Variants in ASTN2 observed in about 807,000 individuals in gnomAD.
The protein encoded by ASTN2 is astrotactin-2.
Under a neutral mutation model 139.8 loss-of-function variants are expected in ASTN2, and 54 were observed. That is an observed-to-expected ratio of 0.39 (90% CI 0.31 to 0.48). The LOEUF (loss-of-function observed/expected upper bound fraction) is 0.48, where lower values mean the gene tolerates loss of function less well. Ranked by LOEUF, ASTN2 falls within the 20% of genes least tolerant of loss-of-function variation. The pLI is 0.95. For synonymous variants in ASTN2, 756 were observed against 719.5 expected, an observed-to-expected ratio of 1.05 and a Z score of -0.81; for missense variants, 1,565 against 1,725.1, an observed-to-expected ratio of 0.91 and a Z score of 1.64.
intron 16 of ASTN2, among the ~76,000 whole-genome samples, chr9:116,724,339 A>G (rs533349067): frequency 6.6e-6 from 1 of 152,306 alleles, no homozygotes; most frequent in East Asian, 1.9e-4. Context: ...CAACTCAATT[A>G]TATCCACTGT....
rs1411833589 is a variant in ASTN2 at position 117,353,061 on chromosome 9, G to T, written c.442+61436C>A. On this transcript the variant is annotated intron_variant, in intron 1 of 22. Transcript: ENST00000313400. ...ATGATTGCAGAGAGTTTTTATTTGG[G>T]GTCATGAAAAAGTGTTGGAAATACA... Among the ~76,000 whole-genome samples the T allele has an allele frequency of 7.2e-5, 11 of 152,158 alleles. No homozygotes were observed. In the East Asian group the frequency reaches 1.9e-3, roughly 27 times the overall value.
At chr9:116,695,491 C>T (rs575772581) in intron 16 of ASTN2, among the ~76,000 whole-genome samples, 1 of 152,308 alleles carries the variant, frequency 6.6e-6, no homozygotes, top group Admixed American at 6.5e-5. Context: ...TAATGTATAT[C>T]TCTACATTAA....
chr9:117,257,405 G>A (rs1833716393), intron 2 of ASTN2, among the ~76,000 whole-genome samples: 1 of 152,154 alleles, frequency 6.6e-6, no homozygotes, highest in East Asian at 1.9e-4. Context: ...ACAGATTTTA[G>A]GTCAATCTGG....
At chr9:117,093,251 TG>T in intron 5 of ASTN2, among the ~76,000 whole-genome samples, 1 of 152,318 alleles carries the variant, frequency 6.6e-6, no homozygotes, top group East Asian at 1.9e-4. Flanking sequence ...GTAAATCCAA[TG>T]GTCCTTCTCA....
intron 19 of ASTN2, among the ~76,000 whole-genome samples, chr9:116,532,745 T>A (rs1200372997): frequency 2.6e-5 from 4 of 152,234 alleles, no homozygotes; most frequent in Non-Finnish European, 5.9e-5. Flanking sequence ...ACCAGTACTA[T>A]GCTGTTTTGG....
chr9:117,287,720 G>T (rs1172791763), intron 2 of ASTN2, among the ~76,000 whole-genome samples: 1 of 152,154 alleles, frequency 6.6e-6, no homozygotes, highest in South Asian at 2.1e-4. Flanking sequence ...CAGCAAAATA[G>T]CAGCAAATAT....
chr9:117,291,300 C>T, intron 2 of ASTN2, 26 bp downstream of exon 2: 1 of 1,613,214 alleles, frequency 6.2e-7, no homozygotes, highest in South Asian at 1.1e-5. Context: ...AATCCCCGAC[C>T]CCGGTCACAT....
At chr9:117,405,894 T>G (rs913040195) in intron 1 of ASTN2, among the ~76,000 whole-genome samples, 17 of 152,314 alleles carry the variant, frequency 1.1e-4, no homozygotes, top group African/African-American at 4.1e-4. Context: ...TTAGCCATCC[T>G]GCAATCACCC....
At chr9:116,671,256 C>T (rs1859178071) in intron 16 of ASTN2, among the ~76,000 whole-genome samples, 1 of 152,098 alleles carries the variant, frequency 6.6e-6, no homozygotes, top group Non-Finnish European at 1.5e-5. Flanking sequence ...ATATAACCAT[C>T]ATAATGATTA....
intron 16 of ASTN2, among the ~76,000 whole-genome samples, chr9:116,714,478 A>G (rs1828259505): frequency 6.6e-6 from 1 of 152,224 alleles, no homozygotes; most frequent in African/African-American, 2.4e-5. Context: ...GCATTTCCTC[A>G]GCATTTGTTA....
chr9:117,310,950 G>T (rs1827956146), intron 1 of ASTN2, among the ~76,000 whole-genome samples: 1 of 152,112 alleles, frequency 6.6e-6, no homozygotes, highest in Admixed American at 6.5e-5. Flanking sequence ...TCTTCCAGAG[G>T]TCTCCAATGA....
chr9:116,931,022 A>G (rs186411143), intron 10 of ASTN2, among the ~76,000 whole-genome samples: 1 of 152,018 alleles, frequency 6.6e-6, no homozygotes. Context: ...CCCTCTGCCA[A>G]GTGACATCTT....
chr9:116,794,636 G>T (rs1830645826), intron 13 of ASTN2, among the ~76,000 whole-genome samples: 1 of 152,036 alleles, frequency 6.6e-6, no homozygotes, highest in South Asian at 2.1e-4. Context: ...CCTCTCTCTG[G>T]GCTTCAATTT....
chr9:117,340,498 CAAT>C (rs1829034400), intron 1 of ASTN2, among the ~76,000 whole-genome samples: 2 of 151,940 alleles, frequency 1.3e-5, no homozygotes, highest in African/African-American at 4.8e-5. Flanking sequence ...ATCAAGGGCT[CAAT>C]AATAACTACT....
chr9:116,503,287 C>A lies in ASTN2; in HGVS notation c.3356-15787G>T, dbSNP rs150623213. Among the ~76,000 whole-genome samples, 3 of 151,892 alleles carry A rather than the reference C, an allele frequency of 2.0e-5. No homozygotes were observed. In the East Asian group the frequency reaches 5.9e-4, roughly 30 times the overall value. On this transcript the variant is annotated intron_variant, in intron 19 of 22. Transcript: ENST00000313400. ...AGGGAAGCTTTACTTCTGGTCTCAC[C>A]GCTACTCGGGGCAGATGATCTGGGA...
At chr9:117,018,209 C>T (rs1837772461) in intron 6 of ASTN2, among the ~76,000 whole-genome samples, 1 of 152,122 alleles carries the variant, frequency 6.6e-6, no homozygotes, top group Admixed American at 6.6e-5. Flanking sequence ...ACATGAATAG[C>T]TGAGTAAATT....
intron 13 of ASTN2, among the ~76,000 whole-genome samples, chr9:116,740,890 G>T (rs143417496): frequency 0.016 from 2,386 of 150,896 alleles, 30 homozygotes; most frequent in Middle Eastern, 0.031. Flanking sequence ...ATCTCAGAGG[G>T]CCCAGCACAG....
chr9:117,267,688 G>T (rs1833966560), intron 2 of ASTN2, among the ~76,000 whole-genome samples: 1 of 152,138 alleles, frequency 6.6e-6, no homozygotes. Context: ...ACAAGCCTTG[G>T]AATGGGGCAC....
In ASTN2 at chr9:116,460,209, G is replaced by C. The variant is rs527795292; in HGVS notation, c.3498-17656C>G. ...AATGTCCACAATAGGCAAATTCCTAGAGATAAAAAGTAGATTAGTGGTTGC... is the reference window on the plus strand; with the variant it reads ...AATGTCCACAATAGGCAAATTCCTACAGATAAAAAGTAGATTAGTGGTTGC... On this transcript the variant is annotated intron_variant, in intron 20 of 22. Coordinates refer to ENST00000313400, the MANE Select transcript of ASTN2 (RefSeq NM_001365068.1). Among the ~76,000 whole-genome samples, 244 of 152,190 alleles carry C rather than the reference G, an allele frequency of 1.6e-3. 1 individual carries two copies. Among genetic ancestry groups the C allele is most frequent in the Non-Finnish European group, 2.7e-3 (184 of 67,982 alleles).
Sources: allele counts gnomAD v4.1 joint callset (sites outside exome capture counted in the v4.1 genomes callset), GRCh38; gene constraint gnomAD v4.1.1; transcripts MANE v1.5; gene names NCBI Gene and HGNC (gene_info 2026-07-23, HGNC 2026-07-21).